NDST4: variants seen among roughly 807,000 people sequenced by gnomAD.
NDST4 encodes the protein N-deacetylase and N-sulfotransferase 4.
In NDST4, 63 loss-of-function variants were observed where a neutral mutation model predicts 100.8. The observed-to-expected ratio is 0.62, with a 90% CI of 0.51 to 0.77. The LOEUF is 0.77. Ranked by LOEUF, NDST4 falls within the 30% of genes least tolerant of loss-of-function variation. The pLI is 0.00. For missense variants in NDST4, 943 were observed against 1,018.4 expected (o/e 0.93, Z 1.01); for synonymous variants, 377 against 361.8 (o/e 1.04, Z -0.48).
chr4:114,846,830 C>T lies in NDST4; in HGVS notation c.1941-833G>A, dbSNP rs555403187. Among the ~76,000 whole-genome samples the T allele has an allele frequency of 2.1e-3, 327 of 152,214 alleles. 3 individuals carry two copies. The highest frequency in any genetic ancestry group is 3.5e-3 in the Non-Finnish European group (235 of 68,010). On this transcript the variant is annotated intron_variant, in intron 9 of 13. Transcript: ENST00000264363. ...CATTTGTTATTATGTTTCCCAAAAG[C>T]GGAGTGGTGAAGAGTCTCATCTATA... is the stretch of plus-strand genomic sequence containing the variant.
At chr4:114,916,701 A>G (rs942098795) in intron 6 of NDST4, among the ~76,000 whole-genome samples, 1 of 140,708 alleles carries the variant, frequency 7.1e-6, no homozygotes, top group African/African-American at 2.7e-5. Context: ...TATATTTTTT[A>G]TTCTTTTTAG....
chr4:114,895,105 A>G (rs924294558), intron 6 of NDST4, among the ~76,000 whole-genome samples: 3 of 152,180 alleles, frequency 2.0e-5, no homozygotes, highest in Non-Finnish European at 4.4e-5. Flanking sequence ...AACTAATCCA[A>G]AAGCTAGCAG....
rs545827558 is a variant in NDST4 at position 114,976,204 on chromosome 4, A to G, written c.1066+983T>C. 2.0e-5 allele frequency among the ~76,000 whole-genome samples: 3 copies of G among 152,190 alleles called. No homozygotes were observed. The East Asian group carries it at 5.8e-4, about 29-fold the overall frequency. On this transcript the variant is annotated intron_variant, in intron 3 of 13. Transcript: ENST00000264363. ...ACTAAAGACTACCTTTGAATAGAAT[A>G]TTTTAATAAGTTAATAAATTGCATA...
intron 2 of NDST4, among the ~76,000 whole-genome samples, chr4:115,014,208 G>A (rs1727624433): frequency 1.3e-5 from 2 of 152,150 alleles, no homozygotes; most frequent in South Asian, 4.1e-4. Context: ...GCACTACCCT[G>A]AGTCTCATGG....
At chr4:114,853,959 G>A (rs991748575) in intron 7 of NDST4, among the ~76,000 whole-genome samples, 1 of 151,966 alleles carries the variant, frequency 6.6e-6, no homozygotes, top group South Asian at 2.1e-4. Flanking sequence ...ATCATTTCTT[G>A]TAGTACAAGT....
intron 7 of NDST4, among the ~76,000 whole-genome samples, chr4:114,855,315 G>GA (rs1366468389): frequency 7.2e-5 from 11 of 152,104 alleles, no homozygotes; most frequent in Non-Finnish European, 1.2e-4. Flanking sequence ...CTTTGGCATG[G>GA]ACTTGTGGGG....
chr4:114,997,795 C>T (rs745613060), intron 2 of NDST4, among the ~76,000 whole-genome samples: 3 of 152,018 alleles, frequency 2.0e-5, no homozygotes, highest in Non-Finnish European at 2.9e-5. Context: ...AACTATGACT[C>T]ATTATAAAAG....
chr4:115,012,616 T>C (rs930391250), intron 2 of NDST4, among the ~76,000 whole-genome samples: 10 of 152,154 alleles, frequency 6.6e-5, no homozygotes, highest in South Asian at 4.1e-4. Flanking sequence ...TTGCCAACTA[T>C]ATTTGGAAAT....
At chr4:114,852,904 A>T in intron 7 of NDST4, 83 bp from the exon 8 acceptor site, 8 of 927,930 alleles carry the variant, frequency 8.6e-6, no homozygotes, top group Non-Finnish European at 9.8e-6. Context: ...AGATGGAATC[A>T]AATTCTGGCC....
At chr4:115,014,171 T>G (rs1244999539) in intron 2 of NDST4, among the ~76,000 whole-genome samples, 1 of 152,080 alleles carries the variant, frequency 6.6e-6, no homozygotes, top group East Asian at 1.9e-4. Flanking sequence ...CAGTTTGTGT[T>G]TGGCTGGTAA....
At chr4:114,884,970 TGATCTGA>T (rs1724448620) in intron 6 of NDST4, among the ~76,000 whole-genome samples, 1 of 152,164 alleles carries the variant, frequency 6.6e-6, no homozygotes. Context: ...ATACATAAGA[TGATCTGA>T]GAAACTAAAA....
chr4:114,966,026 A>G (rs1560834309), intron 4 of NDST4, among the ~76,000 whole-genome samples: 1 of 152,052 alleles, frequency 6.6e-6, no homozygotes, highest in African/African-American at 2.4e-5. Flanking sequence ...GAGTTATTGA[A>G]GGAAAAAGAA....
At chr4:115,097,108 C>T (rs1729635192) in intron 1 of NDST4, among the ~76,000 whole-genome samples, 1 of 151,860 alleles carries the variant, frequency 6.6e-6, no homozygotes, top group Non-Finnish European at 1.5e-5. Context: ...TGTGAAGTTC[C>T]CCAGGGCCTA....
At chr4:115,091,284 G>A (rs575952763) in intron 1 of NDST4, among the ~76,000 whole-genome samples, 15 of 151,910 alleles carry the variant, frequency 9.9e-5, no homozygotes, top group Non-Finnish European at 1.8e-4. Flanking sequence ...TTATGCAAAC[G>A]TGTGTGTAAT....
At chr4:115,014,537 G>T (rs570908720) in intron 2 of NDST4, among the ~76,000 whole-genome samples, 53 of 152,172 alleles carry the variant, frequency 3.5e-4, no homozygotes, top group African/African-American at 1.3e-3. Context: ...TTGACTTAAT[G>T]ACTTGAAAAT....
chr4:114,886,847 G>A (rs376816841), intron 6 of NDST4, among the ~76,000 whole-genome samples: 65 of 152,218 alleles, frequency 4.3e-4, no homozygotes, highest in African/African-American at 1.4e-3. Context: ...ATAACAAAAC[G>A]AATTTTTGAA....
chr4:114,837,526 A>C (rs562136170), intron 11 of NDST4, among the ~76,000 whole-genome samples: 11 of 152,208 alleles, frequency 7.2e-5, no homozygotes, highest in African/African-American at 2.7e-4. Context: ...AACACCACAC[A>C]TCTACAAACA....
At chr4:115,075,706 C>T (rs1383001046) in intron 2 of NDST4, among the ~76,000 whole-genome samples, 1 of 141,558 alleles carries the variant, frequency 7.1e-6, no homozygotes, top group Non-Finnish European at 1.5e-5. Context: ...ATTGCTTAAA[C>T]CCAGGAGGTA....
chr4:115,040,919 C>T (rs1354222150), intron 2 of NDST4, among the ~76,000 whole-genome samples: 1 of 151,956 alleles, frequency 6.6e-6, no homozygotes, highest in East Asian at 1.9e-4. Context: ...TAATTGCCCA[C>T]AGTTGGAGAA....
Sources: allele counts gnomAD v4.1 joint callset (sites outside exome capture counted in the v4.1 genomes callset), GRCh38; gene constraint gnomAD v4.1.1; transcripts MANE v1.5; gene names NCBI Gene and HGNC (gene_info 2026-07-23, HGNC 2026-07-21).